The following IFNAR2 variants were observed in gnomAD, a reference collection of about 807,000 sequenced individuals.
The protein encoded by IFNAR2 is interferon alpha and beta receptor subunit 2.
In IFNAR2, 30 loss-of-function variants were observed where a neutral mutation model predicts 49.4. The observed-to-expected ratio is 0.61, with a 90% CI of 0.45 to 0.82. The LOEUF is 0.82. Among genes scored for constraint, IFNAR2 ranks in the 40% least tolerant of loss-of-function variants. The pLI is 0.00. For missense variants in IFNAR2, 600 were observed against 622.7 expected (o/e 0.96, Z 0.39); for synonymous variants, 224 against 234.5 (o/e 0.96, Z 0.41).
At position 33,230,753 on chromosome 21, in the gene IFNAR2, G is replaced by T. The variant is rs938006758; in HGVS notation, c.-84+537G>T. ...GAGCGGCCTACACCCCTCCGGATCC[G>T]CTGCGTGGAGGCAGGAGGGGGAAGG... is the stretch of plus-strand genomic sequence containing the variant. On this transcript the variant is annotated intron_variant, in intron 1 of 8. Coordinates refer to ENST00000342136, the MANE Select transcript of IFNAR2 (RefSeq NM_001289125.3). This position sits in a 1 kb window ranked among gnomAD's most constrained non-coding sequence, Gnocchi z 5.5. 2.6e-5 allele frequency among the ~76,000 whole-genome samples: 4 copies of T among 152,162 alleles called. No homozygotes were observed. The highest frequency in any genetic ancestry group is 5.9e-5 in the Non-Finnish European group (4 of 68,018).
chr21:33,236,663 G>T, intron 1 of IFNAR2: 1 of 984,952 alleles, frequency 1.0e-6, no homozygotes, highest in South Asian at 4.7e-5. Context: ...AGAGATTGAA[G>T]CCAGACAGGG....
At chr21:33,252,379 C>T in intron 6 of IFNAR2, 3 of 1,069,280 alleles carry the variant, frequency 2.8e-6, no homozygotes, top group Non-Finnish European at 2.5e-6. Context: ...GTCACAGAGA[C>T]TTTTATTCCT....
chr21:33,236,128 CAG>C (rs1343205475), intron 1 of IFNAR2, among the ~76,000 whole-genome samples: 4 of 152,102 alleles, frequency 2.6e-5, no homozygotes, highest in Non-Finnish European at 5.9e-5. Context: ...TGAAGCCAGA[CAG>C]AGGAAGATTG....
rs79402470 is a variant in IFNAR2, at chr21:33,244,934, TTTC to T, written c.98-9_98-7del. ...GTGGGTTCCAAATTTCAATGCCCTTTTTCTTCTTCTCTTTAGATTACACAGATG... is the reference window on the plus strand; with the variant it reads ...GTGGGTTCCAAATTTCAATGCCCTTTTTCTTCTCTTTAGATTACACAGATG... On this transcript the variant is annotated splice_polypyrimidine_tract_variant and intron_variant, in intron 3 of 8. Coordinates refer to ENST00000342136, the MANE Select transcript of IFNAR2 (RefSeq NM_001289125.3). 0.021 allele frequency: 33,662 copies of T among 1,612,984 alleles called. 436 individuals are homozygous for T. Among genetic ancestry groups the T allele is most frequent in the South Asian group, 0.028 (2,543 of 91,026 alleles).
Position 33,244,976 on chromosome 21 carries a change from C to T in IFNAR2, c.123C>T (p.Phe41=). The part of the protein sequence containing the change: ...SPDYTDESCT[F]KISLRNFRSI... ...ATTACACAGATGAATCTTGCACTTT[C>T]AAGATATCATTGCGAAATTTCCGGT... is the stretch of plus-strand genomic sequence containing the variant. The change falls in exon 4 of 9, where the codon TTC becomes TTT. Residue 41 remains phenylalanine, a synonymous_variant. Transcript: ENST00000342136. The T allele has an allele frequency of 6.2e-7, 1 of 1,611,518 alleles. No individual in the cohort carries two copies. The highest frequency in any genetic ancestry group is 1.1e-5 in the South Asian group (1 of 91,032).
At position 33,247,254 on chromosome 21, in the gene IFNAR2, C is replaced by CTTTTTTTTTTTTTTTTTTTTTTTTT. The variant is rs59707670; in HGVS notation, c.394+379_394+380insTTTTTTTTTTTTTTTTTTTTTTTTT. Among the ~76,000 whole-genome samples, 8 of 91,574 alleles carry CTTTTTTTTTTTTTTTTTTTTTTTTT rather than the reference C, an allele frequency of 8.7e-5. 1 individual carries two copies. The highest frequency in any genetic ancestry group is 1.7e-4 in the Non-Finnish European group (8 of 46,842). The allele number at this position is 91,574 out of a possible 152,430, so 60.1% of individuals were successfully genotyped here. ...ATTTTCTTTCTTTCTTTCTTTCTTT[C>CTTTTTTTTTTTTTTTTTTTTTTTTT]TTTTTTTTTTTTTTTGAGATGGAGT... On this transcript the variant is annotated intron_variant, in intron 5 of 8. Transcript: ENST00000342136.
At chr21:33,250,268 G>C (rs1042826272) in intron 6 of IFNAR2, among the ~76,000 whole-genome samples, 1 of 152,086 alleles carries the variant, frequency 6.6e-6, no homozygotes, top group African/African-American at 2.4e-5. Context: ...ATCATGTCTC[G>C]TTTGTGTTCA....
chr21:33,242,234 G>T (rs944912085), intron 2 of IFNAR2, among the ~76,000 whole-genome samples: 1 of 152,122 alleles, frequency 6.6e-6, no homozygotes, highest in African/African-American at 2.4e-5. Context: ...GACTATCCTC[G>T]CCATAATTTG....
chr21:33,236,817 TG>T, intron 1 of IFNAR2: 2 of 983,774 alleles, frequency 2.0e-6, no homozygotes, highest in Non-Finnish European at 2.4e-6. Flanking sequence ...TCAAGCCAAG[TG>T]TAGGATCCTT....
intron 1 of IFNAR2, among the ~76,000 whole-genome samples, chr21:33,234,364 TG>T (rs1986291996): frequency 6.6e-6 from 1 of 152,234 alleles, no homozygotes; most frequent in East Asian, 1.9e-4. Context: ...TGATGCTGGA[TG>T]GTAGGAATAA....
rs1055655508 is a variant in IFNAR2 at position 33,230,780 on chromosome 21, G to T, written c.-84+564G>T. On this transcript the variant is annotated intron_variant, in intron 1 of 8. Coordinates refer to ENST00000342136, the MANE Select transcript of IFNAR2 (RefSeq NM_001289125.3). The surrounding 1 kb of genome is among the most constrained non-coding windows in gnomAD (Gnocchi z 5.5). ...TGCGTGGAGGCAGGAGGGGGAAGGG[G>T]CGAGGGGACGTGGCCGCGGAGACAG... 6.6e-6 allele frequency among the ~76,000 whole-genome samples: 1 copy of T among 152,188 alleles called. No individual in the cohort carries two copies. Among genetic ancestry groups the T allele is most frequent in the Non-Finnish European group, 1.5e-5 (1 of 68,030 alleles).
chr21:33,231,062 A>G (rs896565009), intron 1 of IFNAR2, among the ~76,000 whole-genome samples: 2 of 151,840 alleles, frequency 1.3e-5, no homozygotes, highest in Non-Finnish European at 2.9e-5. Context: ...CGAATATAGC[A>G]TGCTTGGGCG....
chr21:33,258,064 G>C (rs1452924099), intron 7 of IFNAR2, among the ~76,000 whole-genome samples: 2 of 152,308 alleles, frequency 1.3e-5, no homozygotes, highest in East Asian at 1.9e-4. Flanking sequence ...CAGCACTTTG[G>C]GGGGCCGAGC....
At position 33,264,532 on chromosome 21, in the gene IFNAR2, CACAA is replaced by C. The variant is rs1988849823; in HGVS notation, c.*1034_*1037del. On this transcript the variant is annotated 3_prime_UTR_variant, in exon 9 of 9. Coordinates refer to ENST00000342136, the MANE Select transcript of IFNAR2 (RefSeq NM_001289125.3). The stretch of plus-strand genomic sequence containing the variant: ...TTAAGTTAAAAAAAAAAAAAGCAAA[CACAA>C]AGATGCTTCAAGATCTTCAGGAGAA... The C allele has an allele frequency of 6.7e-6, 1 of 149,790 alleles. No homozygotes were observed. The highest frequency in any genetic ancestry group is 2.1e-4 in the South Asian group (1 of 4,766). 9.3% of individuals were successfully genotyped at this position (149,790 alleles called of 1,614,324 possible).
chr21:33,251,484 C>A, intron 6 of IFNAR2: 1 of 898,296 alleles, frequency 1.1e-6, no homozygotes, highest in Non-Finnish European at 1.3e-6. Context: ...CTCATTCTTC[C>A]AAGGAATTTT....
At chr21:33,240,433 C>T (rs1322520776) in intron 1 of IFNAR2, among the ~76,000 whole-genome samples, 1 of 152,126 alleles carries the variant, frequency 6.6e-6, no homozygotes, top group African/African-American at 2.4e-5. Flanking sequence ...GTTCATACAA[C>T]AAAATAGCCT....
At chr21:33,245,350 C>G (rs1352171859) in intron 4 of IFNAR2, among the ~76,000 whole-genome samples, 1 of 152,224 alleles carries the variant, frequency 6.6e-6, no homozygotes, top group African/African-American at 2.4e-5. Flanking sequence ...ACCTCACATA[C>G]AAAATAATTC....
intron 6 of IFNAR2, chr21:33,251,433 A>C (rs988296396): frequency 2.8e-5 from 11 of 393,694 alleles, no homozygotes; most frequent in Admixed American, 1.9e-4. Context: ...AGTAGATTCA[A>C]GAAAGAGTGG....
chr21:33,246,687 A>G (rs764456280), intron 4 of IFNAR2, 31 bp from the exon 5 acceptor site: 2 of 1,590,662 alleles, frequency 1.3e-6, no homozygotes, highest in South Asian at 2.3e-5. Context: ...AATGCTAACA[A>G]TTTCCTTTTT....
Sources: allele counts gnomAD v4.1 joint callset (sites outside exome capture counted in the v4.1 genomes callset), GRCh38; gene constraint gnomAD v4.1.1; non-coding constraint Gnocchi (gnomAD v3.1); transcripts MANE v1.5; gene names NCBI Gene and HGNC (gene_info 2026-07-23, HGNC 2026-07-21).